Variants in CDC45 observed in about 807,000 individuals in gnomAD.
The protein encoded by CDC45 is cell division control protein 45 homolog.
Under a neutral mutation model 77.8 loss-of-function variants are expected in CDC45, and 54 were observed. That is an observed-to-expected ratio of 0.69 (90% CI 0.56 to 0.87). The LOEUF is 0.87. Ranked by LOEUF, CDC45 falls within the 40% of genes least tolerant of loss-of-function variation. The pLI is 0.00. For synonymous variants in CDC45, 260 were observed against 272.1 expected, an observed-to-expected ratio of 0.96 and a Z score of 0.44; for missense variants, 649 against 721.6, an observed-to-expected ratio of 0.90 and a Z score of 1.15.
intron 4 of CDC45, among the ~76,000 whole-genome samples, chr22:19,483,612 G>A (rs2090019072): frequency 6.6e-6 from 1 of 152,142 alleles, no homozygotes; most frequent in South Asian, 2.1e-4. Flanking sequence ...AGACTAGATG[G>A]TTCTCAAAGA....
intron 8 of CDC45, 37 bp downstream of exon 8, chr22:19,497,484 G>C (rs373281950): frequency 8.2e-6 from 13 of 1,581,986 alleles, no homozygotes; most frequent in Non-Finnish European, 1.1e-5. Context: ...GGGAGTATTT[G>C]TTGCCTTGGT....
At position 19,508,701 on chromosome 22, in the gene CDC45, G is replaced by A; in HGVS notation, c.1217+10G>A. ...TGGACAGCCTCTCCAGGTAGCAGGA[G>A]GGCTGTGGGTTTGCCTCATGGGGCC... On this transcript the variant is annotated intron_variant, in intron 13 of 18. Coordinates refer to ENST00000263201, the MANE Select transcript of CDC45 (RefSeq NM_003504.5). 1 of 1,612,960 alleles carries A rather than the reference G, an allele frequency of 6.2e-7. No individual in the cohort carries two copies. The highest frequency in any genetic ancestry group is 8.5e-7 in the Non-Finnish European group (1 of 1,179,340).
intron 16 of CDC45, 33 bp downstream of exon 16, chr22:19,516,678 G>T: frequency 6.3e-7 from 1 of 1,585,146 alleles, no homozygotes; most frequent in Non-Finnish European, 8.7e-7. Context: ...GGGACTGGAG[G>T]GTCGGGGGTG....
chr22:19,497,249 C>G, intron 7 of CDC45, 137 bp from the exon 8 acceptor site: 1 of 729,784 alleles, frequency 1.4e-6, no homozygotes, highest in Non-Finnish European at 2.4e-6. Flanking sequence ...GGAATCCACC[C>G]ACATGCCCTG....
At chr22:19,486,919 TCC>T (rs1432494539) in intron 5 of CDC45, among the ~76,000 whole-genome samples, 1 of 151,942 alleles carries the variant, frequency 6.6e-6, no homozygotes, top group East Asian at 2.0e-4. Flanking sequence ...CTCATGATCC[TCC>T]CACCTTGGCC....
chr22:19,513,136 C>T (rs994096301), intron 13 of CDC45, among the ~76,000 whole-genome samples: 2 of 152,178 alleles, frequency 1.3e-5, no homozygotes, highest in African/African-American at 4.8e-5. Flanking sequence ...GACCCCACCT[C>T]GAAGATCTTG....
At position 19,504,767 on chromosome 22, in the gene CDC45, A is replaced by G. The variant is rs13447245; in HGVS notation, c.705-595A>G. 5.1e-3 allele frequency among the ~76,000 whole-genome samples: 775 copies of G among 152,270 alleles called. 4 individuals are homozygous for G. Among genetic ancestry groups the G allele is most frequent in the African/African-American group, 0.016 (680 of 41,534 alleles). On this transcript the variant is annotated intron_variant, in intron 9 of 18. Coordinates refer to ENST00000263201, the MANE Select transcript of CDC45 (RefSeq NM_003504.5). ...GCTCAGTCAGTAGCTCCATCAGTAT[A>G]CAGGACCCAAAGGAATATCTCAAAG...
Position 19,480,182 on chromosome 22 carries a change from G to A in CDC45, c.76G>A (p.Asp26Asn). ...SQRVLLFVAS[D>N]VDALCACKIL... Reference sequence around the variant, plus strand: ...GAGGGTCCTTCTCTTCGTGGCCTCGGACGTGGATGCTCTGTGTGCGTGCAA... The same window carrying A: ...GAGGGTCCTTCTCTTCGTGGCCTCGAACGTGGATGCTCTGTGTGCGTGCAA... Residue 26 changes from aspartate to asparagine, a missense_variant, in exon 2 of 19, where the codon GAC becomes AAC. Transcript: ENST00000263201. The A allele has an allele frequency of 6.2e-7, 1 of 1,614,032 alleles. No homozygotes were observed. The highest frequency in any genetic ancestry group is 8.5e-7 in the Non-Finnish European group (1 of 1,179,962).
intron 5 of CDC45, among the ~76,000 whole-genome samples, chr22:19,487,520 A>G (rs1485776275): frequency 2.0e-5 from 3 of 151,922 alleles, no homozygotes; most frequent in Non-Finnish European, 1.5e-5. Flanking sequence ...ACAGAGCAGG[A>G]CCTCATCTCT....
intron 5 of CDC45, among the ~76,000 whole-genome samples, chr22:19,484,678 C>T (rs1215900408): frequency 6.6e-6 from 1 of 152,240 alleles, no homozygotes; most frequent in Non-Finnish European, 1.5e-5. Context: ...GTCTTCCCTT[C>T]ATCCTCAGCC....
chr22:19,513,113 A>G (rs148747662), intron 13 of CDC45, among the ~76,000 whole-genome samples: 52 of 152,310 alleles, frequency 3.4e-4, no homozygotes, highest in African/African-American at 1.1e-3. Flanking sequence ...CCATGACCCA[A>G]CACTTCCCAC....
rs945759847 is a variant in CDC45, at chr22:19,501,195, AAAAC to A, written c.704+2052_704+2055del. On this transcript the variant is annotated intron_variant, in intron 9 of 18. Coordinates refer to ENST00000263201, the MANE Select transcript of CDC45 (RefSeq NM_003504.5). ...ACTCCGTCTCAAAAAAAAACAAACC[AAAAC>A]AAACAAAAAATTATGGAGAGCCTAC... 3.9e-5 allele frequency among the ~76,000 whole-genome samples: 6 copies of A among 152,112 alleles called. No individual in the cohort carries two copies. In the East Asian group the frequency reaches 5.8e-4, roughly 15 times the overall value.
At chr22:19,507,706 C>CT in intron 11 of CDC45, 60 bp from the exon 12 acceptor site, 2 of 1,441,886 alleles carry the variant, frequency 1.4e-6, no homozygotes, top group Non-Finnish European at 1.9e-6. Flanking sequence ...GTTTGGGTTT[C>CT]TTTCCACCCT....
At chr22:19,494,733 A>T in intron 6 of CDC45, 5 of 765,636 alleles carry the variant, frequency 6.5e-6, no homozygotes, top group Non-Finnish European at 1.1e-5. Context: ...AGGTTATTCT[A>T]GCTTGAAGTG....
At chr22:19,494,593 G>A (rs910868701) in intron 6 of CDC45, 33 of 1,544,372 alleles carry the variant, frequency 2.1e-5, no homozygotes, top group Non-Finnish European at 2.9e-5. Flanking sequence ...ACAGCCCCAA[G>A]GTCTCCCAGG....
rs1321282566 is a variant in CDC45 at position 19,482,694 on chromosome 22, A to T, written c.209A>T (p.His70Leu). The change falls in exon 4 of 19, where the codon CAT becomes CTT. Residue 70 changes from histidine (H) to leucine (L), a missense_variant. Transcript: ENST00000263201. ...CAATATCTTCCTTTTTTTCAGTTTCATTATTTTATTCTCATAAACTGTGGA... is the reference window on the plus strand; with the variant it reads ...CAATATCTTCCTTTTTTTCAGTTTCTTTATTTTATTCTCATAAACTGTGGA... Reference protein sequence around the residue: ...TAFLEHKEQFHYFILINCGAN... With the variant: ...TAFLEHKEQFLYFILINCGAN... 15 of 1,610,338 alleles carry T rather than the reference A, an allele frequency of 9.3e-6. No individual in the cohort carries two copies. In the Admixed American group the frequency reaches 1.0e-4, roughly 11 times the overall value.
At position 19,516,744 on chromosome 22, in the gene CDC45, C is replaced by T. The variant is rs1462424332; in HGVS notation, c.1560-73C>T. The T allele has an allele frequency of 2.9e-6, 4 of 1,388,068 alleles. No individual in the cohort carries two copies. The African/African-American group carries it at 4.6e-5, about 16-fold the overall frequency. 86.0% of individuals were successfully genotyped at this position (1,388,068 alleles called of 1,614,324 possible). A position where few individuals can be genotyped will look rare whatever the true frequency, so the allele number is the denominator to read the frequency against. ...GTAGAGTGGTATTTGCCTCTAGTGTCTGTCCTGGGGCGGGGGGTGGGAAGG... is the reference window on the plus strand; with the variant it reads ...GTAGAGTGGTATTTGCCTCTAGTGTTTGTCCTGGGGCGGGGGGTGGGAAGG... On this transcript the variant is annotated intron_variant, in intron 16 of 18. Coordinates refer to ENST00000263201, the MANE Select transcript of CDC45 (RefSeq NM_003504.5).
intron 4 of CDC45, among the ~76,000 whole-genome samples, chr22:19,483,227 T>C (rs1441026715): frequency 6.6e-6 from 1 of 152,148 alleles, no homozygotes; most frequent in Admixed American, 6.5e-5. Context: ...GGTCAGAAGA[T>C]TGAGACCATC....
chr22:19,520,033 A>C lies in CDC45; in HGVS notation c.*2-448A>C, dbSNP rs951239485. ...ACTGCATAGGGTGGGGCGGAGGCAG[A>C]GGTGGGGCTCTCTGGCAGTGGAGTG... On this transcript the variant is annotated intron_variant, in intron 18 of 18. Transcript: ENST00000263201. The surrounding 1 kb of genome is among the most constrained non-coding windows in gnomAD (Gnocchi z 4.5). Among the ~76,000 whole-genome samples the C allele has an allele frequency of 5.9e-5, 9 of 152,156 alleles. No homozygotes were observed. Among genetic ancestry groups the C allele is most frequent in the Non-Finnish European group, 1.0e-4 (7 of 68,018 alleles).
Sources: allele counts gnomAD v4.1 joint callset (sites outside exome capture counted in the v4.1 genomes callset), GRCh38; gene constraint gnomAD v4.1.1; non-coding constraint Gnocchi (gnomAD v3.1); transcripts MANE v1.5; gene names NCBI Gene and HGNC (gene_info 2026-07-23, HGNC 2026-07-21).